The following VCAN variants were observed in gnomAD, a reference collection of about 807,000 sequenced individuals.
VCAN encodes the protein versican, also known as versican core protein.
VCAN carries 44 observed loss-of-function variants against 245.5 expected under a neutral mutation model. The observed-to-expected ratio is 0.18, with a 90% CI of 0.14 to 0.23. The LOEUF (loss-of-function observed/expected upper bound fraction) is 0.23. Among genes scored for constraint, VCAN ranks in the 10% least tolerant of loss-of-function variants. The probability of loss-of-function intolerance (pLI) is 1.00; values close to 1 mark genes in which losing one functional copy is unlikely to be tolerated. For synonymous variants in VCAN, 1,413 were observed against 1,437.0 expected, an observed-to-expected ratio of 0.98 and a Z score of 0.38; for missense variants, 3,793 against 4,057.9, an observed-to-expected ratio of 0.93 and a Z score of 1.77.
At chr5:83,528,688 C>A (rs918131517) in intron 7 of VCAN, among the ~76,000 whole-genome samples, 4 of 152,048 alleles carry the variant, frequency 2.6e-5, no homozygotes, top group African/African-American at 7.2e-5. Flanking sequence ...TACACACTTA[C>A]AAAGTTAAAT....
intron 3 of VCAN, among the ~76,000 whole-genome samples, chr5:83,491,949 A>G (rs1202087922): frequency 6.6e-6 from 1 of 152,196 alleles, no homozygotes; most frequent in African/African-American, 2.4e-5. Context: ...GCTATCTCTT[A>G]TATTCACCAG....
In VCAN at chr5:83,541,498, A is replaced by G; in HGVS notation, c.8495A>G (p.Tyr2832Cys). 2 of 1,613,884 alleles carry G rather than the reference A, an allele frequency of 1.2e-6. No individual in the cohort carries two copies. Among genetic ancestry groups the G allele is most frequent in the Non-Finnish European group, 1.7e-6 (2 of 1,179,962 alleles). The change falls in exon 8 of 15, where the codon TAC becomes TGC. Residue 2832 changes from tyrosine to cysteine, a missense_variant. This residue lies in a region of VCAN where 3,182 missense variants were observed against 3,250.3 expected (regional missense o/e 0.98). Coordinates refer to ENST00000265077, the MANE Select transcript of VCAN (RefSeq NM_004385.5). ...ACACCATCATCTCCCCTCACTATCT[A>G]CTCAGGCAGTGAAGCCTCTGGACAC... Reference protein sequence around the residue: ...SQTPSSPLTIYSGSEASGHTE... With the variant: ...SQTPSSPLTICSGSEASGHTE...
intron 2 of VCAN, among the ~76,000 whole-genome samples, chr5:83,485,403 T>G (rs1461031455): frequency 1.0e-5 from 1 of 95,470 alleles, no homozygotes; most frequent in Non-Finnish European, 2.1e-5. Context: ...AAACTCCATG[T>G]CAAAAAAAAA....
chr5:83,558,834 T>C (rs950020119), intron 12 of VCAN, among the ~76,000 whole-genome samples: 1 of 152,184 alleles, frequency 6.6e-6, no homozygotes, highest in Non-Finnish European at 1.5e-5. Flanking sequence ...TTCTGTTATA[T>C]TTTTAAAATC....
chr5:83,486,436 T>C (rs912457716), intron 2 of VCAN, among the ~76,000 whole-genome samples: 2 of 152,128 alleles, frequency 1.3e-5, no homozygotes, highest in African/African-American at 4.8e-5. Context: ...GACATGCTAA[T>C]CAGATGGTGA....
Position 83,519,987 on chromosome 5 carries a change from A to G in VCAN, c.1681A>G (p.Thr561Ala), listed in dbSNP as rs763846368. Reference protein sequence around the residue: ...TLGEEDDEDRTLTVGSDESTL... With the variant: ...TLGEEDDEDRALTVGSDESTL... The stretch of plus-strand genomic sequence containing the variant: ...GGGAGAAGAGGATGATGAAGACAGA[A>G]CACTTACAGTTGGATCTGATGAGAG... The change falls in exon 7 of 15, where the codon ACA (threonine) becomes GCA (alanine). Residue 561 changes from threonine (T) to alanine (A), a missense_variant. Coordinates refer to ENST00000265077, the MANE Select transcript of VCAN (RefSeq NM_004385.5). 1 of 1,614,104 alleles carries G rather than the reference A, an allele frequency of 6.2e-7. No homozygotes were observed. Among genetic ancestry groups the G allele is most frequent in the Non-Finnish European group, 8.5e-7 (1 of 1,179,970 alleles).
intron 12 of VCAN, among the ~76,000 whole-genome samples, chr5:83,564,173 A>G (rs940086365): frequency 3.3e-5 from 5 of 152,126 alleles, no homozygotes; most frequent in Admixed American, 2.6e-4. Context: ...TATCCCAGAC[A>G]ATCTTTTATT....
Position 83,538,125 on chromosome 5 carries a change from G to A in VCAN, c.5122G>A (p.Glu1708Lys), listed in dbSNP as rs1422673749. Reference protein sequence around the residue: ...AKVVPTKFVSETDTSEWISST... With the variant: ...AKVVPTKFVSKTDTSEWISST... ...AGTGGTGCCTACCAAGTTTGTAAGT[G>A]AAACAGACACTTCTGAGTGGATTTC... is the stretch of plus-strand genomic sequence containing the variant. Residue 1708 changes from glutamate to lysine, a missense_variant, in exon 8 of 15, where the codon GAA (glutamate) becomes AAA (lysine). Around this residue, in one of 5 missense-constraint regions of VCAN, gnomAD observed 3,182 missense variants for 3,250.3 expected, o/e 0.98. Coordinates refer to ENST00000265077, the MANE Select transcript of VCAN (RefSeq NM_004385.5). 4 of 1,613,910 alleles carry A rather than the reference G, an allele frequency of 2.5e-6. No homozygotes were observed. The highest frequency in any genetic ancestry group is 3.4e-6 in the Non-Finnish European group (4 of 1,179,986).
In VCAN at chr5:83,476,624, C is replaced by T. The variant is rs529420370; in HGVS notation, c.-7+4601C>T. On this transcript the variant is annotated intron_variant, in intron 1 of 14. Coordinates refer to ENST00000265077, the MANE Select transcript of VCAN (RefSeq NM_004385.5). ...TCCATTTCAATTAGTGAATTTTTGC[C>T]AGTTTCCTCTTGTAGCCTAGACTTG... Among the ~76,000 whole-genome samples the T allele has an allele frequency of 2.8e-4, 42 of 152,180 alleles. 1 individual carries two copies. The highest frequency in any genetic ancestry group is 6.8e-3 in the Middle Eastern group (2 of 294).
intron 3 of VCAN, among the ~76,000 whole-genome samples, chr5:83,491,763 A>T (rs1456560368): frequency 6.6e-6 from 1 of 152,176 alleles, no homozygotes; most frequent in Non-Finnish European, 1.5e-5. Context: ...GCAGATACTT[A>T]TACAGATTGA....
At chr5:83,477,633 C>G (rs967877590) in intron 1 of VCAN, among the ~76,000 whole-genome samples, 6 of 152,120 alleles carry the variant, frequency 3.9e-5, no homozygotes, top group Non-Finnish European at 8.8e-5. Context: ...CTAGGAAATA[C>G]TGATAGGTCT....
At chr5:83,528,863 C>T (rs951600765) in intron 7 of VCAN, among the ~76,000 whole-genome samples, 2 of 151,846 alleles carry the variant, frequency 1.3e-5, no homozygotes, top group Non-Finnish European at 2.9e-5. Flanking sequence ...AATGTGGACC[C>T]AGGGATTTCT....
intron 6 of VCAN, among the ~76,000 whole-genome samples, chr5:83,516,094 T>A (rs1025346464): frequency 3.3e-5 from 5 of 152,116 alleles, no homozygotes; most frequent in Non-Finnish European, 7.4e-5. Flanking sequence ...TAGCCGGGCA[T>A]GGTGGCGGGC....
chr5:83,562,715 C>T (rs1303853153), intron 12 of VCAN, among the ~76,000 whole-genome samples: 1 of 151,936 alleles, frequency 6.6e-6, no homozygotes, highest in Admixed American at 6.6e-5. Flanking sequence ...ACATTTGGAT[C>T]GTCAGCCCTT....
chr5:83,575,124 A>G (rs1237860896), intron 13 of VCAN, among the ~76,000 whole-genome samples: 1 of 152,232 alleles, frequency 6.6e-6, no homozygotes, highest in Non-Finnish European at 1.5e-5. Flanking sequence ...TAATAAAACT[A>G]AAAACCATAC....
intron 6 of VCAN, among the ~76,000 whole-genome samples, chr5:83,515,860 C>T (rs1430703223): frequency 2.0e-5 from 3 of 152,154 alleles, no homozygotes; most frequent in African/African-American, 4.8e-5. Context: ...AACCTTTCCC[C>T]GATTGGTATA....
chr5:83,517,022 G>A (rs1745877390), intron 6 of VCAN, among the ~76,000 whole-genome samples: 1 of 152,026 alleles, frequency 6.6e-6, no homozygotes. Flanking sequence ...TTAAAATAGG[G>A]CTCTAAAATT....
chr5:83,559,497 A>C (rs1370416990), intron 12 of VCAN, among the ~76,000 whole-genome samples: 1 of 151,790 alleles, frequency 6.6e-6, no homozygotes, highest in East Asian at 1.9e-4. Flanking sequence ...ATGGGTTCTC[A>C]CTCCTGGGCG....
intron 5 of VCAN, among the ~76,000 whole-genome samples, chr5:83,505,638 T>C (rs1745459511): frequency 6.6e-6 from 1 of 152,184 alleles, no homozygotes; most frequent in Non-Finnish European, 1.5e-5. Context: ...AAGCTGTCAG[T>C]GGATCTACCA....
Sources: allele counts gnomAD v4.1 joint callset (sites outside exome capture counted in the v4.1 genomes callset), GRCh38; gene constraint gnomAD v4.1.1; regional missense constraint gnomAD v4.1.1; transcripts MANE v1.5; gene names NCBI Gene and HGNC (gene_info 2026-07-23, HGNC 2026-07-21).